PXDNL: variants seen among roughly 807,000 people sequenced by gnomAD.
PXDNL encodes probable oxidoreductase PXDNL.
PXDNL carries 145 observed loss-of-function variants against 150.8 expected under a neutral mutation model. That is an observed-to-expected ratio of 0.96 (90% CI 0.84 to 1.10). The LOEUF (loss-of-function observed/expected upper bound fraction) is 1.10, where lower values mean the gene tolerates loss of function less well. Among genes scored for constraint, PXDNL ranks in the 50% least tolerant of loss-of-function variants. The probability of loss-of-function intolerance (pLI) is 0.00; values close to 1 mark genes in which losing one functional copy is unlikely to be tolerated. For missense variants in PXDNL, 2,087 were observed against 1,873.9 expected (o/e 1.11, Z -2.10); for synonymous variants, 757 against 725.7 (o/e 1.04, Z -0.69).
intron 1 of PXDNL, among the ~76,000 whole-genome samples, chr8:51,715,808 C>G (rs1156844576): frequency 6.6e-6 from 1 of 151,956 alleles, no homozygotes; most frequent in Non-Finnish European, 1.5e-5. Flanking sequence ...ATTGCTTTGG[C>G]TATTGGTTCT....
chr8:51,789,689 C>G (rs1284404596), intron 1 of PXDNL, among the ~76,000 whole-genome samples: 1 of 152,128 alleles, frequency 6.6e-6, no homozygotes. Context: ...TCTGCTTGCA[C>G]TTGGTCTGTT....
chr8:51,323,979 A>C (rs1438573151), intron 21 of PXDNL, among the ~76,000 whole-genome samples: 1 of 152,052 alleles, frequency 6.6e-6, no homozygotes, highest in Non-Finnish European at 1.5e-5. Flanking sequence ...ACGGGTCATT[A>C]GTATAAGAAA....
intron 17 of PXDNL, among the ~76,000 whole-genome samples, chr8:51,382,764 A>T (rs1003737231): frequency 6.6e-6 from 1 of 152,222 alleles, no homozygotes; most frequent in Non-Finnish European, 1.5e-5. Context: ...AGAAATAATA[A>T]TAATGGAAAT....
chr8:51,357,183 C>G (rs962315175), intron 19 of PXDNL, among the ~76,000 whole-genome samples: 2 of 152,202 alleles, frequency 1.3e-5, no homozygotes, highest in Non-Finnish European at 2.9e-5. Context: ...GTCTCATTAT[C>G]CTTACCAGTA....
rs552016025 is a variant in PXDNL at position 51,761,561 on chromosome 8, C to T, written c.164+47620G>A. 1.3e-3 allele frequency among the ~76,000 whole-genome samples: 193 copies of T among 152,138 alleles called. 1 individual carries two copies. The highest frequency in any genetic ancestry group is 2.1e-3 in the Non-Finnish European group (141 of 67,990). ...AAACATGTATAATATGCATATATAA[C>T]GTATATTTACAACAAAAAGCTAAGA... On this transcript the variant is annotated intron_variant, in intron 1 of 22. Coordinates refer to ENST00000356297, the MANE Select transcript of PXDNL (RefSeq NM_144651.5).
intron 3 of PXDNL, among the ~76,000 whole-genome samples, chr8:51,566,133 C>T (rs1245555011): frequency 6.6e-6 from 1 of 151,722 alleles, no homozygotes; most frequent in Non-Finnish European, 1.5e-5. Flanking sequence ...GTTGAACCAC[C>T]TTTGTATACC....
chr8:51,385,493 C>T (rs1807674806), intron 17 of PXDNL, among the ~76,000 whole-genome samples: 1 of 152,162 alleles, frequency 6.6e-6, no homozygotes, highest in Admixed American at 6.5e-5. Context: ...ACTTTCCATT[C>T]AATCCACATA....
chr8:51,717,767 C>A (rs1298501546), intron 1 of PXDNL, among the ~76,000 whole-genome samples: 1 of 152,190 alleles, frequency 6.6e-6, no homozygotes, highest in Non-Finnish European at 1.5e-5. Context: ...GCCTCTGCAG[C>A]AGCAGGAGAG....
chr8:51,362,481 A>G (rs1220284912), intron 19 of PXDNL, among the ~76,000 whole-genome samples: 2 of 152,280 alleles, frequency 1.3e-5, no homozygotes, highest in Admixed American at 6.5e-5. Context: ...TATGTACATT[A>G]GAAACTCTTG....
intron 4 of PXDNL, among the ~76,000 whole-genome samples, chr8:51,528,067 G>A (rs188295720): frequency 1.7e-4 from 26 of 152,192 alleles, no homozygotes; most frequent in African/African-American, 5.8e-4. Flanking sequence ...ATTAATCAGA[G>A]GGCCATTGCA....
At chr8:51,506,318 G>A (rs908523460) in intron 4 of PXDNL, among the ~76,000 whole-genome samples, 8 of 151,976 alleles carry the variant, frequency 5.3e-5, no homozygotes, top group South Asian at 2.1e-4. Context: ...CAAGGCGGGC[G>A]GATCACGAGA....
At chr8:51,460,736 C>A (rs1457353498) in intron 8 of PXDNL, among the ~76,000 whole-genome samples, 3 of 151,962 alleles carry the variant, frequency 2.0e-5, no homozygotes, top group Admixed American at 6.6e-5. Flanking sequence ...CCACGACCCC[C>A]ATAGACATTT....
At chr8:51,444,527 C>A (rs546478731) in intron 12 of PXDNL, among the ~76,000 whole-genome samples, 40 of 152,230 alleles carry the variant, frequency 2.6e-4, no homozygotes, top group African/African-American at 8.7e-4. Flanking sequence ...GTAAAAAAAT[C>A]ACCTAATACC....
intron 8 of PXDNL, among the ~76,000 whole-genome samples, 196 bp from the exon 9 acceptor site, chr8:51,457,863 C>T (rs1476045546): frequency 6.6e-6 from 1 of 152,140 alleles, no homozygotes; most frequent in African/African-American, 2.4e-5. Context: ...ACACCCTGAA[C>T]AAAGGCTCTG....
intron 4 of PXDNL, among the ~76,000 whole-genome samples, chr8:51,543,246 G>GAAA (rs1812261180): frequency 2.6e-5 from 4 of 152,090 alleles, no homozygotes; most frequent in African/African-American, 9.7e-5. Context: ...TTTATGCCCG[G>GAAA]TGATACTACT....
In PXDNL at chr8:51,436,352, G is replaced by A. The variant is rs558733419; in HGVS notation, c.1526-9594C>T. The A allele has an allele frequency of 2.0e-5, 9 of 439,046 alleles. 1 individual carries two copies. The highest frequency in any genetic ancestry group is 1.4e-4 in the South Asian group (8 of 57,196). 27.2% of individuals were successfully genotyped at this position (439,046 alleles called of 1,614,324 possible). A position where few individuals can be genotyped will look rare whatever the true frequency, so the allele number is the denominator to read the frequency against. On this transcript the variant is annotated intron_variant, in intron 12 of 22. Transcript: ENST00000356297. ...AACATTATTCAGGGAAGTTTTGGAG[G>A]ACCAACTTTATATAAAAATTCTCAC...
intron 12 of PXDNL, among the ~76,000 whole-genome samples, chr8:51,433,946 TTAA>T (rs1295539868): frequency 2.0e-5 from 3 of 152,172 alleles, no homozygotes; most frequent in African/African-American, 7.2e-5. Context: ...AGAAAATATT[TTAA>T]TATTATCTAT....
At chr8:51,568,844 A>AT (rs1812875030) in intron 3 of PXDNL, among the ~76,000 whole-genome samples, 1 of 151,784 alleles carries the variant, frequency 6.6e-6, no homozygotes, top group East Asian at 1.9e-4. Context: ...ACATATCACC[A>AT]AGGTCACTGA....
At chr8:51,560,234 C>T (rs1475796876) in intron 3 of PXDNL, among the ~76,000 whole-genome samples, 1 of 151,924 alleles carries the variant, frequency 6.6e-6, no homozygotes, top group African/African-American at 2.4e-5. Context: ...AATGTCAATA[C>T]TACTCAAAGT....
Sources: allele counts gnomAD v4.1 joint callset (sites outside exome capture counted in the v4.1 genomes callset), GRCh38; gene constraint gnomAD v4.1.1; transcripts MANE v1.5; gene names NCBI Gene and HGNC (gene_info 2026-07-23, HGNC 2026-07-21).